GPC5: variants seen among roughly 807,000 people sequenced by gnomAD.
GPC5 encodes the protein glypican 5, also known as glypican-5.
In GPC5, 47 loss-of-function variants were observed where a neutral mutation model predicts 53.9. The ratio of observed to expected loss-of-function variants is 0.87; its 90% CI spans 0.69 to 1.11. The LOEUF is 1.11. GPC5 is among the 50% of genes most tolerant of loss of function. The pLI, the probability that GPC5 is intolerant of heterozygous loss-of-function variation, is 0.00. For missense variants in GPC5, 748 were observed against 713.1 expected, an observed-to-expected ratio of 1.05 and a Z score of -0.56; for synonymous variants, 286 against 263.3, an observed-to-expected ratio of 1.09 and a Z score of -0.84.
chr13:92,413,719 A>G (rs1213978245), intron 7 of GPC5, among the ~76,000 whole-genome samples: 1 of 152,144 alleles, frequency 6.6e-6, no homozygotes, highest in Non-Finnish European at 1.5e-5. Flanking sequence ...AAAATAGAGA[A>G]CTCAGATAAA....
intron 7 of GPC5, among the ~76,000 whole-genome samples, chr13:92,202,975 A>C (rs2042305760): frequency 6.6e-6 from 1 of 152,224 alleles, no homozygotes; most frequent in South Asian, 2.1e-4. Context: ...GAACTAGAAG[A>C]AAAGCTAACA....
intron 2 of GPC5, among the ~76,000 whole-genome samples, chr13:91,648,116 G>A (rs1305241120): frequency 6.6e-6 from 1 of 152,112 alleles, no homozygotes; most frequent in East Asian, 1.9e-4. Context: ...ATATACTAGT[G>A]TTGTATGCTA....
intron 7 of GPC5, among the ~76,000 whole-genome samples, chr13:92,712,017 A>G (rs189550146): frequency 2.8e-4 from 43 of 152,062 alleles, no homozygotes; most frequent in African/African-American, 9.4e-4. Flanking sequence ...AGAAGAGCCA[A>G]ATAAACCCCT....
intron 7 of GPC5, among the ~76,000 whole-genome samples, chr13:92,633,688 G>A (rs1295904102): frequency 6.6e-6 from 1 of 151,788 alleles, no homozygotes; most frequent in Admixed American, 6.6e-5. Flanking sequence ...TTATCAATTA[G>A]TAATGATGTT....
chr13:92,658,261 C>G (rs1157041222), intron 7 of GPC5, among the ~76,000 whole-genome samples: 1 of 152,010 alleles, frequency 6.6e-6, no homozygotes, highest in Non-Finnish European at 1.5e-5. Context: ...CTCATAAAAC[C>G]ACATAATTAC....
chr13:92,402,548 C>T (rs899266981), intron 7 of GPC5, among the ~76,000 whole-genome samples: 2 of 152,128 alleles, frequency 1.3e-5, no homozygotes, highest in South Asian at 2.1e-4. Context: ...CCAAGAATAT[C>T]GAAGCTGTGT....
At chr13:91,536,740 T>C (rs1303112765) in intron 2 of GPC5, among the ~76,000 whole-genome samples, 1 of 152,230 alleles carries the variant, frequency 6.6e-6, no homozygotes, top group East Asian at 1.9e-4. Flanking sequence ...CAATGTCTCA[T>C]TTTAACTAGA....
intron 2 of GPC5, among the ~76,000 whole-genome samples, chr13:91,561,873 A>G (rs763986916): frequency 3.3e-5 from 5 of 152,162 alleles, no homozygotes; most frequent in Admixed American, 2.6e-4. Context: ...CCATATAGCT[A>G]CACACCTGGT....
rs188033617 is a variant in GPC5, at chr13:91,575,054, A to G, written c.326-118133A>G. On this transcript the variant is annotated intron_variant, in intron 2 of 7. Transcript: ENST00000377067. Reference sequence around the variant, plus strand: ...TGATCAAAAATCCATGCAGGCAAGAAAAAGGTCTGAAGAGTAGTGACTGCA... The same window carrying G: ...TGATCAAAAATCCATGCAGGCAAGAGAAAGGTCTGAAGAGTAGTGACTGCA... Among the ~76,000 whole-genome samples, 173 of 152,270 alleles carry G rather than the reference A, an allele frequency of 1.1e-3. 2 individuals carry two copies. The highest frequency in any genetic ancestry group is 3.9e-3 in the African/African-American group (163 of 41,584).
chr13:92,321,422 T>G (rs1235097367), intron 7 of GPC5, among the ~76,000 whole-genome samples: 5 of 152,164 alleles, frequency 3.3e-5, no homozygotes, highest in African/African-American at 1.2e-4. Flanking sequence ...TGAAACCCTG[T>G]CTGTACTAAA....
intron 2 of GPC5, among the ~76,000 whole-genome samples, chr13:91,542,662 T>C (rs1329789096): frequency 6.6e-6 from 1 of 152,082 alleles, no homozygotes; most frequent in African/African-American, 2.4e-5. Context: ...AAAGTGTGAT[T>C]GCAGTCTTCC....
intron 7 of GPC5, among the ~76,000 whole-genome samples, chr13:92,483,629 T>G (rs766307405): frequency 2.0e-5 from 3 of 151,600 alleles, no homozygotes; most frequent in Non-Finnish European, 4.4e-5. Context: ...AAAATATTTC[T>G]TTTTCTTCAA....
At chr13:92,605,591 T>A (rs1308946689) in intron 7 of GPC5, among the ~76,000 whole-genome samples, 2 of 149,588 alleles carry the variant, frequency 1.3e-5, no homozygotes, top group South Asian at 2.1e-4. Context: ...TTTTTTTTTT[T>A]TATTTTTTTG....
intron 5 of GPC5, among the ~76,000 whole-genome samples, chr13:91,868,408 T>C (rs919756597): frequency 2.6e-5 from 4 of 152,238 alleles, no homozygotes; most frequent in Non-Finnish European, 5.9e-5. Context: ...TAATATGAGG[T>C]AAAGTATAGG....
chr13:92,047,323 A>C (rs1441108985), intron 6 of GPC5, among the ~76,000 whole-genome samples: 5 of 152,074 alleles, frequency 3.3e-5, no homozygotes, highest in Non-Finnish European at 2.9e-5. Context: ...AACATAGACC[A>C]ACACCAAGGA....
At chr13:92,521,784 A>G (rs1180297120) in intron 7 of GPC5, among the ~76,000 whole-genome samples, 1 of 152,206 alleles carries the variant, frequency 6.6e-6, no homozygotes, top group African/African-American at 2.4e-5. Flanking sequence ...AATGGGATCT[A>G]ATTAAACTAA....
At chr13:92,179,818 T>C (rs2042133800) in intron 7 of GPC5, among the ~76,000 whole-genome samples, 1 of 152,246 alleles carries the variant, frequency 6.6e-6, no homozygotes, top group Non-Finnish European at 1.5e-5. Flanking sequence ...TAAAGCAAAG[T>C]ATTTGTACAG....
chr13:92,616,719 A>C (rs1341299498), intron 7 of GPC5, among the ~76,000 whole-genome samples: 1 of 152,206 alleles, frequency 6.6e-6, no homozygotes, highest in African/African-American at 2.4e-5. Flanking sequence ...ATTTTATGAG[A>C]AACATGATGT....
chr13:92,421,269 T>C lies in GPC5; in HGVS notation c.1561+276280T>C, dbSNP rs527440856. Among the ~76,000 whole-genome samples, 16 of 152,286 alleles carry C rather than the reference T, an allele frequency of 1.1e-4. 1 individual carries two copies. The South Asian group carries it at 3.3e-3, about 32-fold the overall frequency. On this transcript the variant is annotated intron_variant, in intron 7 of 7. Transcript: ENST00000377067. ...TGTACCTCTTGCTCCTCCCAAGCTGTGGTGCTGACTGGAGTGGAGAAAAGG... is the reference window on the plus strand; with the variant it reads ...TGTACCTCTTGCTCCTCCCAAGCTGCGGTGCTGACTGGAGTGGAGAAAAGG...
Sources: allele counts gnomAD v4.1 joint callset (sites outside exome capture counted in the v4.1 genomes callset), GRCh38; gene constraint gnomAD v4.1.1; transcripts MANE v1.5; gene names NCBI Gene and HGNC (gene_info 2026-07-23, HGNC 2026-07-21).